The following NKAIN2 variants were observed in gnomAD, a reference collection of about 807,000 sequenced individuals.
The protein encoded by NKAIN2 is sodium/potassium-transporting ATPase subunit beta-1-interacting protein 2.
A neutral mutation model predicts 32.6 loss-of-function variants in NKAIN2; 14 were observed. The ratio of observed to expected loss-of-function variants is 0.43; its 90% CI spans 0.28 to 0.67. NKAIN2 has a LOEUF of 0.67. NKAIN2 is among the 30% of genes least tolerant of loss of function. The probability of loss-of-function intolerance (pLI) is 0.17; values close to 1 mark genes in which losing one functional copy is unlikely to be tolerated. For synonymous variants in NKAIN2, 80 were observed against 87.2 expected, an observed-to-expected ratio of 0.92 and a Z score of 0.46; for missense variants, 198 against 258.3, an observed-to-expected ratio of 0.77 and a Z score of 1.60.
intron 1 of NKAIN2, among the ~76,000 whole-genome samples, chr6:123,970,715 C>T (rs1357659191): frequency 6.6e-6 from 1 of 151,744 alleles, no homozygotes; most frequent in Non-Finnish European, 1.5e-5. Flanking sequence ...CCCATTTCTA[C>T]TAAAAAAATA....
At chr6:124,526,691 T>C (rs1234444147) in intron 3 of NKAIN2, among the ~76,000 whole-genome samples, 1 of 152,186 alleles carries the variant, frequency 6.6e-6, no homozygotes, top group African/African-American at 2.4e-5. Context: ...CCAGAAATTA[T>C]AACTCTCTTA....
At chr6:123,856,810 T>C (rs1419849105) in intron 1 of NKAIN2, among the ~76,000 whole-genome samples, 1 of 152,194 alleles carries the variant, frequency 6.6e-6, no homozygotes, top group African/African-American at 2.4e-5. Flanking sequence ...TTGAGCCTGC[T>C]CAAGTTTGAG....
chr6:124,602,155 A>G (rs1583502218), intron 3 of NKAIN2, among the ~76,000 whole-genome samples: 1 of 151,984 alleles, frequency 6.6e-6, no homozygotes, highest in Admixed American at 6.6e-5. Flanking sequence ...GAATAAATTA[A>G]TGAAGGGAAT....
At chr6:123,976,135 G>A (rs1483437313) in intron 1 of NKAIN2, among the ~76,000 whole-genome samples, 1 of 150,998 alleles carries the variant, frequency 6.6e-6, no homozygotes, top group Non-Finnish European at 1.5e-5. Flanking sequence ...ACGTGGAACT[G>A]TGAGTTCATT....
intron 2 of NKAIN2, among the ~76,000 whole-genome samples, chr6:124,294,390 C>A (rs1409778503): frequency 6.6e-6 from 1 of 152,094 alleles, no homozygotes; most frequent in Non-Finnish European, 1.5e-5. Context: ...CCATTCATAG[C>A]ACACAGTCTG....
Position 124,032,285 on chromosome 6 carries a change from T to A in NKAIN2, c.54+228031T>A, listed in dbSNP as rs1781440072. On this transcript the variant is annotated intron_variant, in intron 1 of 6. Coordinates refer to ENST00000368417, the MANE Select transcript of NKAIN2 (RefSeq NM_001040214.3). Reference sequence around the variant, plus strand: ...GTGGGGTGGGGGGAGGGGGGAGGGATAGCATTAGGAGATAGACCTAATGTA... The same window carrying A: ...GTGGGGTGGGGGGAGGGGGGAGGGAAAGCATTAGGAGATAGACCTAATGTA... Among the ~76,000 whole-genome samples, 3 of 138,100 alleles carry A rather than the reference T, an allele frequency of 2.2e-5. No individual in the cohort carries two copies. In the South Asian group the frequency reaches 8.3e-4, roughly 38 times the overall value. 90.6% of individuals were successfully genotyped at this position (138,100 alleles called of 152,430 possible). A position where few individuals can be genotyped will look rare whatever the true frequency, so the allele number is the denominator to read the frequency against.
At chr6:124,644,683 G>A (rs903170671) in intron 3 of NKAIN2, among the ~76,000 whole-genome samples, 1 of 152,064 alleles carries the variant, frequency 6.6e-6, no homozygotes, top group African/African-American at 2.4e-5. Flanking sequence ...GGGATTATAT[G>A]GCATGAGCCA....
intron 1 of NKAIN2, among the ~76,000 whole-genome samples, chr6:123,915,833 A>T (rs1775467361): frequency 6.6e-6 from 1 of 152,212 alleles, no homozygotes; most frequent in African/African-American, 2.4e-5. Flanking sequence ...TAAACATTTA[A>T]TAGACACTTG....
intron 4 of NKAIN2, among the ~76,000 whole-genome samples, chr6:124,661,429 A>G (rs1374522733): frequency 6.6e-6 from 1 of 152,004 alleles, no homozygotes; most frequent in Non-Finnish European, 1.5e-5. Context: ...CCTTTCTTTC[A>G]CAGATTCCTG....
At chr6:124,717,183 T>C (rs549845093) in intron 4 of NKAIN2, among the ~76,000 whole-genome samples, 3 of 152,336 alleles carry the variant, frequency 2.0e-5, no homozygotes, top group African/African-American at 7.2e-5. Context: ...TTTTAAAAAA[T>C]TGGAGTTCTT....
At chr6:124,116,361 T>G (rs110691) in intron 1 of NKAIN2, among the ~76,000 whole-genome samples, 96,276 of 151,856 alleles carry the variant, frequency 0.63, 30,712 homozygotes, top group East Asian at 0.74. Context: ...CTATCTTTAT[T>G]TGTAAGAGTT....
intron 1 of NKAIN2, among the ~76,000 whole-genome samples, chr6:124,160,236 A>C (rs1284596836): frequency 6.6e-6 from 1 of 152,160 alleles, no homozygotes; most frequent in Non-Finnish European, 1.5e-5. Flanking sequence ...TCTATACAGC[A>C]GACTTTTCTT....
chr6:124,726,410 G>A (rs1022687825), intron 4 of NKAIN2, among the ~76,000 whole-genome samples: 6 of 152,278 alleles, frequency 3.9e-5, no homozygotes, highest in Non-Finnish European at 7.4e-5. Flanking sequence ...CATGACCCCT[G>A]AGCAGCCTAA....
At chr6:124,178,770 T>C (rs1180075945) in intron 1 of NKAIN2, among the ~76,000 whole-genome samples, 2 of 152,242 alleles carry the variant, frequency 1.3e-5, no homozygotes, top group African/African-American at 4.8e-5. Context: ...AATTTGGCTC[T>C]AGGCTCTATG....
chr6:124,180,136 C>CAGAT (rs375819615), intron 1 of NKAIN2, among the ~76,000 whole-genome samples: 42 of 151,534 alleles, frequency 2.8e-4, no homozygotes, highest in South Asian at 2.5e-3. Flanking sequence ...TGTATGTATC[C>CAGAT]AGATAGATAG....
At chr6:124,602,860 A>G (rs1300987384) in intron 3 of NKAIN2, among the ~76,000 whole-genome samples, 3 of 151,904 alleles carry the variant, frequency 2.0e-5, no homozygotes, top group East Asian at 3.9e-4. Flanking sequence ...CATCCCCACT[A>G]TGTCCACCAT....
At chr6:124,225,057 C>G (rs1374048120) in intron 1 of NKAIN2, among the ~76,000 whole-genome samples, 1 of 151,926 alleles carries the variant, frequency 6.6e-6, no homozygotes, top group African/African-American at 2.4e-5. Context: ...ATCATTCATT[C>G]TTTCATTCTA....
chr6:123,965,247 T>C (rs1778019528), intron 1 of NKAIN2, among the ~76,000 whole-genome samples: 1 of 152,138 alleles, frequency 6.6e-6, no homozygotes, highest in South Asian at 2.1e-4. Context: ...AAATCAACGC[T>C]GGACTCTGGT....
intron 1 of NKAIN2, among the ~76,000 whole-genome samples, chr6:123,985,851 G>GA (rs1357183831): frequency 6.6e-6 from 1 of 151,984 alleles, no homozygotes; most frequent in Admixed American, 6.6e-5. Flanking sequence ...CTTAACCAGG[G>GA]AAAAATGATT....
Sources: allele counts gnomAD v4.1 joint callset (sites outside exome capture counted in the v4.1 genomes callset), GRCh38; gene constraint gnomAD v4.1.1; transcripts MANE v1.5; gene names NCBI Gene and HGNC (gene_info 2026-07-23, HGNC 2026-07-21).